Variants in PCDH20 observed in about 807,000 individuals in gnomAD.
The protein encoded by PCDH20 is protocadherin 20, also known as protocadherin-20.
Under a neutral mutation model 39.7 loss-of-function variants are expected in PCDH20, and 18 were observed. The ratio of observed to expected loss-of-function variants is 0.45; its 90% CI spans 0.31 to 0.67. The LOEUF is 0.67. Among genes scored for constraint, PCDH20 ranks in the 30% least tolerant of loss-of-function variants. PCDH20 has a pLI of 0.05. For missense variants in PCDH20, 1,161 were observed against 1,167.4 expected (o/e 0.99, Z 0.08); for synonymous variants, 495 against 455.4 (o/e 1.09, Z -1.11).
rs762624219 is a variant in PCDH20 at position 61,415,189 on chromosome 13, G to A, written c.-31C>T. The A allele has an allele frequency of 8.4e-5, 115 of 1,371,836 alleles. No individual in the cohort carries two copies. In the African/African-American group the frequency reaches 1.6e-3, roughly 19 times the overall value. 85.0% of individuals were successfully genotyped at this position (1,371,836 alleles called of 1,614,324 possible). A position where few individuals can be genotyped will look rare whatever the true frequency, so the allele number is the denominator to read the frequency against. On this transcript the variant is annotated 5_prime_UTR_variant, in exon 1 of 2. Transcript: ENST00000409204. ...GGGAGGCTGCAGTCAGAGCGCTCTT[G>A]AAGGGAGGGCGGCAGAAGACACTCC...
At chr13:61,411,162 T>G (rs1878236091) in exon 2 of PCDH20, 1 of 1,168,406 alleles carries the variant, frequency 8.6e-7, no homozygotes, top group Admixed American at 2.3e-5. Context: ...TCATTGGAAC[T>G]GCCATCAACA....
chr13:61,414,037 C>G, intron 1 of PCDH20, 71 bp from the exon 2 acceptor site: 1 of 1,339,568 alleles, frequency 7.5e-7, no homozygotes, highest in Non-Finnish European at 1.0e-6. Flanking sequence ...GAAACTAGCG[C>G]CCCTGTGATC....
chr13:61,412,599 C>T (rs1878270345), exon 2 of PCDH20: 4 of 1,614,084 alleles, frequency 2.5e-6, no homozygotes, highest in Non-Finnish European at 2.5e-6. Flanking sequence ...CATAGAACTG[C>T]TGTAGCTCAT....
chr13:61,412,342 C>T (rs781379108), exon 2 of PCDH20: 3 of 1,614,062 alleles, frequency 1.9e-6, no homozygotes, highest in Non-Finnish European at 2.5e-6. Flanking sequence ...TCCTGTGACA[C>T]TGTCTAAGGA....
chr13:61,411,834 C>A, exon 2 of PCDH20: 2 of 1,614,060 alleles, frequency 1.2e-6, no homozygotes, highest in South Asian at 1.1e-5. Flanking sequence ...GAGTAGAAGG[C>A]AGTACTAACA....
At chr13:61,415,166 G>C (rs746817265) in exon 1 of PCDH20, 7 of 1,412,774 alleles carry the variant, frequency 5.0e-6, no homozygotes, top group South Asian at 4.4e-5. Context: ...CATTCCCTGG[G>C]AGGCTGCAGT....
rs762081863 is a variant in PCDH20, at chr13:61,411,672, T to C, written c.2427A>G (p.Ala809=). 3.1e-6 allele frequency: 5 copies of C among 1,614,062 alleles called. 1 individual carries two copies. The African/African-American group carries it at 5.3e-5, about 17-fold the overall frequency. Residue 809 remains alanine (A), a synonymous_variant, in exon 2 of 2, where the codon GCA becomes GCG. Coordinates refer to ENST00000409204, the Ensembl canonical transcript of PCDH20. ...GGAGCCCATAATCTGTCTGCAGCAA[T>C]GCCTCTTCCAAAGTAATGTTGCCAG...
At chr13:61,411,341 G>T in exon 2 of PCDH20, 2 of 1,613,730 alleles carry the variant, frequency 1.2e-6, no homozygotes, top group Non-Finnish European at 1.7e-6. Flanking sequence ...TCTTCCCTGG[G>T]ATGCTTTTCC....
At chr13:61,412,808 T>C (rs1566222864) in exon 2 of PCDH20, 4 of 1,614,082 alleles carry the variant, frequency 2.5e-6, no homozygotes, top group African/African-American at 1.3e-5. Context: ...TCGTTTGCTA[T>C]GTAACGAGGG....
exon 2 of PCDH20, chr13:61,412,019 G>C: frequency 5.0e-6 from 8 of 1,614,064 alleles, no homozygotes; most frequent in Non-Finnish European, 6.8e-6. Context: ...TTAGCCCTCA[G>C]CATACCCTTT....
chr13:61,411,605 G>T (rs1296435892), exon 2 of PCDH20: 7 of 1,614,032 alleles, frequency 4.3e-6, no homozygotes, highest in Non-Finnish European at 5.9e-6. Context: ...GAGTGGAGAG[G>T]CTCGGGATAA....
At chr13:61,415,309 A>G (rs3812875) in exon 1 of PCDH20, 62,213 of 892,612 alleles carry the variant, frequency 0.07, 3,286 homozygotes, top group East Asian at 0.27. Flanking sequence ...GAAAGGCAAG[A>G]GGGCAGAAGG....
chr13:61,412,323 T>C, exon 2 of PCDH20: 16 of 1,614,120 alleles, frequency 9.9e-6, no homozygotes, highest in East Asian at 2.2e-5. Context: ...GAGTAGAAAC[T>C]GTCAGAATTC....
Position 61,414,904 on chromosome 13 carries a change from C to T in PCDH20, c.132+123G>A, listed in dbSNP as rs537842926. The stretch of plus-strand genomic sequence containing the variant: ...ATTATCCCAAACTCCCTTTCCCTCC[C>T]GGCGCCATCCTTCCCGTGAAGTTTA... On this transcript the variant is annotated intron_variant, in intron 1 of 1. Coordinates refer to ENST00000409204, the Ensembl canonical transcript of PCDH20. 60 of 1,188,496 alleles carry T rather than the reference C, an allele frequency of 5.0e-5. No homozygotes were observed. The East Asian group carries it at 1.2e-3, about 24-fold the overall frequency. The allele number at this position is 1,188,496 out of a possible 1,614,324, so 73.6% of individuals were successfully genotyped here.
At position 61,413,631 on chromosome 13, in the gene PCDH20, C is replaced by G. The variant is rs369000947; in HGVS notation, c.468G>C (p.Gly156=). The change falls in exon 2 of 2, where the codon GGG becomes GGC. Residue 156 remains glycine, a synonymous_variant. Transcript: ENST00000409204. The stretch of plus-strand genomic sequence containing the variant: ...TGCCGCTCCACGCAGTCCCTCCACC[C>G]CCTTCAACACACAGGGCCTCCCTGT... 3.1e-6 allele frequency: 5 copies of G among 1,614,214 alleles called. No individual in the cohort carries two copies. The South Asian group carries it at 5.5e-5, about 18-fold the overall frequency.
rs1215720610 is a variant in PCDH20 at position 61,412,304 on chromosome 13, G to A, written c.1795C>T (p.Arg599Ter). Residue 599 changes from arginine (R) to a stop codon, truncating the protein, a stop_gained, in exon 2 of 2, where the codon CGA becomes TGA. Transcript: ENST00000409204. LOFTEE classifies it low-confidence loss of function (END_TRUNC). ...TATCTGTACTTTTCTTTCTCTTCTC[G>A]GTCCAGCTGAGTAGAAACTGTCAGA... is the stretch of plus-strand genomic sequence containing the variant. The A allele has an allele frequency of 2.0e-5, 33 of 1,613,694 alleles. No homozygotes were observed. The highest frequency in any genetic ancestry group is 2.8e-5 in the Non-Finnish European group (33 of 1,179,930).
At chr13:61,409,996 A>G (rs538099577) in exon 2 of PCDH20, 2 of 152,226 alleles carry the variant, frequency 1.3e-5, no homozygotes, top group Non-Finnish European at 2.9e-5. Context: ...TATAGCTCTC[A>G]TATAAAATAA....
exon 2 of PCDH20, chr13:61,412,850 T>C (rs1871431561): frequency 6.2e-7 from 1 of 1,614,050 alleles, no homozygotes; most frequent in Non-Finnish European, 8.5e-7. Context: ...ATAACTTTAA[T>C]AATGGACACA....
exon 2 of PCDH20, chr13:61,412,989 T>C: frequency 6.2e-7 from 1 of 1,614,174 alleles, no homozygotes; most frequent in Non-Finnish European, 8.5e-7. Flanking sequence ...CCAGGTGAAA[T>C]AAATCCTTAG....
Sources: gnomAD v4.1 joint callset for allele counts on GRCh38, gnomAD v4.1.1 for gene constraint, MANE v1.5 for transcripts, NCBI Gene and HGNC (gene_info 2026-07-23, HGNC 2026-07-21) for gene names.